FCHO1: variants seen among roughly 807,000 people sequenced by gnomAD.
The protein encoded by FCHO1 is F-BAR domain only protein 1.
In FCHO1, 45 loss-of-function variants were observed where a neutral mutation model predicts 114.4. The observed-to-expected ratio is 0.39, with a 90% CI of 0.31 to 0.50. The LOEUF is 0.50. Ranked by LOEUF, FCHO1 falls within the 20% of genes least tolerant of loss-of-function variation. The pLI, the probability that FCHO1 is intolerant of heterozygous loss-of-function variation, is 0.77. For missense variants in FCHO1, 1,042 were observed against 1,209.6 expected (o/e 0.86, Z 2.06); for synonymous variants, 480 against 488.9 (o/e 0.98, Z 0.24).
intron 26 of FCHO1, 118 bp downstream of exon 26, chr19:17,785,042 C>G: frequency 1.0e-6 from 1 of 960,156 alleles, no homozygotes; most frequent in Admixed American, 2.0e-5. Context: ...TGTGAGCCCA[C>G]CCTGCTTAGC....
At chr19:17,786,731 C>A in intron 27 of FCHO1, 102 bp downstream of exon 27, 2 of 1,242,416 alleles carry the variant, frequency 1.6e-6, no homozygotes, top group Non-Finnish European at 2.3e-6. Context: ...TGAGGGCGGG[C>A]AAGTATGGGC....
intron 26 of FCHO1, 94 bp downstream of exon 26, chr19:17,785,018 G>T (rs2093746867): frequency 1.6e-6 from 2 of 1,286,874 alleles, no homozygotes; most frequent in Admixed American, 3.8e-5. Flanking sequence ...TGCACCCTCG[G>T]CCTGACCGTT....
intron 1 of FCHO1, among the ~76,000 whole-genome samples, chr19:17,754,020 C>T (rs1002103946): frequency 1.3e-5 from 2 of 152,170 alleles, no homozygotes; most frequent in African/African-American, 2.4e-5. Flanking sequence ...GCAGCCTTGC[C>T]CAAGGTCTTG....
At position 17,788,273 on chromosome 19, in the gene FCHO1, C is replaced by T; in HGVS notation, c.2648-11C>T. 7.9e-7 allele frequency: 1 copy of T among 1,271,682 alleles called. No individual in the cohort carries two copies. The highest frequency in any genetic ancestry group is 1.1e-6 in the Non-Finnish European group (1 of 920,264). The allele number at this position is 1,271,682 out of a possible 1,614,324, so 78.8% of individuals were successfully genotyped here. On this transcript the variant is annotated splice_polypyrimidine_tract_variant and intron_variant, in intron 28 of 28. Transcript: ENST00000596536. Reference sequence around the variant, plus strand: ...TCCCCACCCCTCCCCCTCACAGCTGCACCCCCACAGGGATGTACCTGGTGA... The same window carrying T: ...TCCCCACCCCTCCCCCTCACAGCTGTACCCCCACAGGGATGTACCTGGTGA...
chr19:17,754,008 G>T (rs2146271302), intron 1 of FCHO1, among the ~76,000 whole-genome samples: 1 of 152,300 alleles, frequency 6.6e-6, no homozygotes, highest in Admixed American at 6.5e-5. Flanking sequence ...GCACAGAGAG[G>T]GGCAGCCTTG....
intron 20 of FCHO1, among the ~76,000 whole-genome samples, chr19:17,780,274 C>G (rs902799539): frequency 1.4e-5 from 2 of 147,956 alleles, no homozygotes; most frequent in African/African-American, 5.0e-5. Context: ...AAACAGTTTT[C>G]TGCCTCAGCC....
At position 17,765,213 on chromosome 19, in the gene FCHO1, G is replaced by A. The variant is rs115920010; in HGVS notation, c.194+764G>A. 6.0e-3 allele frequency among the ~76,000 whole-genome samples: 916 copies of A among 152,244 alleles called. 15 individuals are homozygous for A. Among genetic ancestry groups the A allele is most frequent in the African/African-American group, 0.021 (869 of 41,542 alleles). On this transcript the variant is annotated intron_variant, in intron 6 of 28. Transcript: ENST00000596536. ...GGGGATGTCTGAGGGACAGAGACCCGGGCAAGTGGCTCAGCCAGTGCGAAG... is the reference window on the plus strand; with the variant it reads ...GGGGATGTCTGAGGGACAGAGACCCAGGCAAGTGGCTCAGCCAGTGCGAAG...
At chr19:17,768,096 CT>C (rs1443604004) in intron 7 of FCHO1, among the ~76,000 whole-genome samples, 2 of 152,130 alleles carry the variant, frequency 1.3e-5, no homozygotes, top group Non-Finnish European at 2.9e-5. Context: ...GAGATGGAGA[CT>C]TGCTCTGTTG....
intron 4 of FCHO1, among the ~76,000 whole-genome samples, chr19:17,756,596 G>A (rs2083602433): frequency 6.6e-6 from 1 of 152,072 alleles, no homozygotes; most frequent in Non-Finnish European, 1.5e-5. Flanking sequence ...GACTTTGCCT[G>A]CCCGAACCTC....
chr19:17,753,049 T>G (rs1434354198), intron 1 of FCHO1, among the ~76,000 whole-genome samples: 1 of 151,802 alleles, frequency 6.6e-6, no homozygotes, highest in East Asian at 1.9e-4. Flanking sequence ...ACCACTGCAC[T>G]CCAGCCTGGG....
intron 4 of FCHO1, among the ~76,000 whole-genome samples, chr19:17,755,954 G>C (rs1164018904): frequency 2.0e-5 from 3 of 152,166 alleles, no homozygotes; most frequent in Admixed American, 2.0e-4. Context: ...CAAGTTCAGG[G>C]AACAGGGACT....
intron 11 of FCHO1, among the ~76,000 whole-genome samples, chr19:17,773,187 AG>A (rs2092007600): frequency 6.6e-6 from 1 of 152,192 alleles, no homozygotes; most frequent in African/African-American, 2.4e-5. Context: ...TAAGAGCAAA[AG>A]TTTTAGAGTG....
rs61302593 is a variant in FCHO1, at chr19:17,787,223, C to CAAAA, written c.2483-432_2483-429dup. 2.3e-4 allele frequency among the ~76,000 whole-genome samples: 9 copies of CAAAA among 39,834 alleles called. 1 individual carries two copies. Among genetic ancestry groups the CAAAA allele is most frequent in the Non-Finnish European group, 3.8e-4 (8 of 20,820 alleles). The allele number at this position is 39,834 out of a possible 152,430, so 26.1% of individuals were successfully genotyped here. On this transcript the variant is annotated intron_variant, in intron 27 of 28. Transcript: ENST00000596536. ...AGGGTGACAGAGCGAGACTCTGTCT[C>CAAAA]AAAAAAAAAAAAAAAAAAAAAAAAA... is the stretch of plus-strand genomic sequence containing the variant.
At chr19:17,771,370 AGAAAAG>A (rs1189754562) in intron 9 of FCHO1, among the ~76,000 whole-genome samples, 4 of 143,134 alleles carry the variant, frequency 2.8e-5, no homozygotes, top group Non-Finnish European at 4.6e-5. Context: ...AAAAAAAAAA[AGAAAAG>A]AAAAGAAAAA....
chr19:17,754,456 G>A (rs1335641285), intron 2 of FCHO1, 95 bp downstream of exon 2: 2 of 152,470 alleles, frequency 1.3e-5, no homozygotes, highest in African/African-American at 4.8e-5. Flanking sequence ...ACTCCCAGGA[G>A]GGTACATAAG....
intron 24 of FCHO1, 110 bp from the exon 25 acceptor site, chr19:17,783,993 G>T (rs1001242539): frequency 6.7e-5 from 92 of 1,366,786 alleles, no homozygotes; most frequent in Non-Finnish European, 7.2e-5. Flanking sequence ...GGCTTTGCTG[G>T]GCCCAGGGTG....
intron 20 of FCHO1, among the ~76,000 whole-genome samples, chr19:17,780,404 T>C (rs1447359980): frequency 1.3e-5 from 2 of 152,088 alleles, no homozygotes; most frequent in African/African-American, 4.8e-5. Context: ...CCTCAGGTGA[T>C]CTGCCTGCCT....
chr19:17,769,889 C>G (rs986281420), intron 7 of FCHO1, among the ~76,000 whole-genome samples: 1 of 152,016 alleles, frequency 6.6e-6, no homozygotes, highest in Non-Finnish European at 1.5e-5. Flanking sequence ...ACAGGCCGGG[C>G]GTAGTGGCTC....
intron 7 of FCHO1, among the ~76,000 whole-genome samples, chr19:17,769,458 A>T (rs1421396001): frequency 6.6e-6 from 1 of 151,254 alleles, no homozygotes; most frequent in Non-Finnish European, 1.5e-5. Context: ...CGGCGCCTGT[A>T]GTCTCAGCTA....
Sources: allele counts gnomAD v4.1 joint callset (sites outside exome capture counted in the v4.1 genomes callset), GRCh38; gene constraint gnomAD v4.1.1; transcripts MANE v1.5; gene names NCBI Gene and HGNC (gene_info 2026-07-23, HGNC 2026-07-21).